The following USP54 variants were observed in gnomAD, a reference collection of about 807,000 sequenced individuals.
USP54 encodes the protein ubiquitin carboxyl-terminal hydrolase 54.
A neutral mutation model predicts 170.5 loss-of-function variants in USP54; 87 were observed. The ratio of observed to expected loss-of-function variants is 0.51; its 90% CI spans 0.43 to 0.61. The LOEUF is 0.61. USP54 is among the 20% of genes least tolerant of loss of function. USP54 has a pLI of 0.00. For missense variants in USP54, 1,786 were observed against 2,047.8 expected, an observed-to-expected ratio of 0.87 and a Z score of 2.47; for synonymous variants, 655 against 742.8, an observed-to-expected ratio of 0.88 and a Z score of 1.92.
At chr10:73,624,894 C>A (rs755365138) in intron 1 of USP54, among the ~76,000 whole-genome samples, 12 of 151,784 alleles carry the variant, frequency 7.9e-5, no homozygotes, top group Non-Finnish European at 1.6e-4. Context: ...GCTTGATAAG[C>A]ACACTTTAGG....
chr10:73,588,688 C>T (rs898556496), intron 1 of USP54, among the ~76,000 whole-genome samples: 1 of 152,200 alleles, frequency 6.6e-6, no homozygotes, highest in African/African-American at 2.4e-5. Context: ...CAAAATACAG[C>T]CAAAACTCTG....
At chr10:73,623,881 T>G (rs2081272159) in intron 1 of USP54, among the ~76,000 whole-genome samples, 1 of 152,066 alleles carries the variant, frequency 6.6e-6, no homozygotes, top group Non-Finnish European at 1.5e-5. Context: ...TAGGTCTCAA[T>G]AAATATTAAG....
upstream of USP54, among the ~76,000 whole-genome samples, chr10:73,595,622 C>A (rs565407934): frequency 6.6e-6 from 1 of 152,286 alleles, no homozygotes; most frequent in South Asian, 2.1e-4. Flanking sequence ...TGTTTAAATT[C>A]ATTTATTTAA....
chr10:73,591,093 T>C (rs1317554781), intron 1 of USP54, among the ~76,000 whole-genome samples, 185 bp downstream of exon 1: 1 of 151,982 alleles, frequency 6.6e-6, no homozygotes, highest in Non-Finnish European at 1.5e-5. Context: ...GCTTGAAAGA[T>C]GCCTCTTGAA....
intron 1 of USP54, among the ~76,000 whole-genome samples, chr10:73,600,089 C>T (rs2079050460): frequency 6.6e-6 from 1 of 151,824 alleles, no homozygotes; most frequent in Non-Finnish European, 1.5e-5. Flanking sequence ...TTAGTAGAGA[C>T]GGGGTTTCTC....
At chr10:73,588,533 T>A (rs1443048987) in intron 1 of USP54, among the ~76,000 whole-genome samples, 1 of 152,198 alleles carries the variant, frequency 6.6e-6, no homozygotes, top group Non-Finnish European at 1.5e-5. Flanking sequence ...CTGGGAAAAA[T>A]GTATTCTAAA....
intron 1 of USP54, among the ~76,000 whole-genome samples, chr10:73,583,533 G>A (rs910897136): frequency 6.6e-6 from 1 of 152,156 alleles, no homozygotes; most frequent in Non-Finnish European, 1.5e-5. Context: ...TGATCCGCCC[G>A]CCTCAGCCTC....
chr10:73,511,096 CT>C lies in USP54; in HGVS notation c.4051+5278del, dbSNP rs777196673. ...GGTACAAAGTTTCTGATGAAAACAC[CT>C]TTTTTTTTTTTTTTTTTTTGAGACA... On this transcript the variant is annotated intron_variant, in intron 20 of 23. Coordinates refer to ENST00000687698, the MANE Select transcript of USP54 (RefSeq NM_001391956.1). Among the ~76,000 whole-genome samples, 101 of 121,544 alleles carry C rather than the reference CT, an allele frequency of 8.3e-4. No individual in the cohort carries two copies. In the Middle Eastern group the frequency reaches 0.013, roughly 15 times the overall value. 79.7% of individuals were successfully genotyped at this position (121,544 alleles called of 152,430 possible).
chr10:73,598,580 C>T (rs1033116222), intron 1 of USP54, among the ~76,000 whole-genome samples: 1 of 152,010 alleles, frequency 6.6e-6, no homozygotes, highest in Non-Finnish European at 1.5e-5. Context: ...AGTTGAAGAC[C>T]AGCCTGGCCA....
chr10:73,517,725 C>G lies in USP54; in HGVS notation c.2701G>C (p.Val901Leu). Residue 901 changes from valine (V) to leucine (L), a missense_variant, in exon 20 of 24, where the codon GTA (valine) becomes CTA (leucine). Transcript: ENST00000687698. ...PTSEQPIPLQVLLSQEAQLES... is the reference protein window; with the variant it reads ...PTSEQPIPLQLLLSQEAQLES... ...AGTTGGGCCTCTTGGCTTAACAATA[C>G]TTGGAGCGGGATAGGCTGTTCACTG... 6.2e-7 allele frequency: 1 copy of G among 1,613,612 alleles called. No homozygotes were observed. The highest frequency in any genetic ancestry group is 1.3e-5 in the African/African-American group (1 of 75,038).
chr10:73,587,978 G>A (rs2077719005), intron 1 of USP54, among the ~76,000 whole-genome samples: 1 of 152,022 alleles, frequency 6.6e-6, no homozygotes, highest in African/African-American at 2.4e-5. Flanking sequence ...TTAGGGCCAG[G>A]TACAAAACAG....
chr10:73,501,703 G>A (rs745959599), intron 22 of USP54, among the ~76,000 whole-genome samples: 1 of 152,238 alleles, frequency 6.6e-6, no homozygotes, highest in East Asian at 1.9e-4. Flanking sequence ...ATATGGCCCT[G>A]CTGCTCCTCA....
In USP54 at chr10:73,504,842, C is replaced by G. The variant is rs2058818927; in HGVS notation, c.4311+8G>C. Reference sequence around the variant, plus strand: ...TGCTCTGAATAGATGGACCCTGATTCTACTTACAAAACTGTGGGAAGAAAC... The same window carrying G: ...TGCTCTGAATAGATGGACCCTGATTGTACTTACAAAACTGTGGGAAGAAAC... On this transcript the variant is annotated splice_region_variant and intron_variant, in intron 22 of 23. Transcript: ENST00000687698. The G allele has an allele frequency of 1.9e-6, 3 of 1,614,140 alleles. No individual in the cohort carries two copies. The highest frequency in any genetic ancestry group is 2.5e-6 in the Non-Finnish European group (3 of 1,180,022).
intron 4 of USP54, among the ~76,000 whole-genome samples, chr10:73,570,727 T>C (rs1420263406): frequency 6.6e-6 from 1 of 152,080 alleles, no homozygotes; most frequent in African/African-American, 2.4e-5. Flanking sequence ...CATTTATCAA[T>C]AGGAAGAGTT....
At chr10:73,622,300 ATATT>A (rs112001853) in intron 1 of USP54, among the ~76,000 whole-genome samples, 8,992 of 149,600 alleles carry the variant, frequency 0.06, 340 homozygotes, top group East Asian at 0.12. Flanking sequence ...GACTGTTGTA[ATATT>A]TATTTATTTA....
chr10:73,514,467 CAGG>C lies in USP54; in HGVS notation c.4051+1905_4051+1907del, dbSNP rs569451565. ...ATCCCAGCTACTCGGGAGGCTGAGG[CAGG>C]AGAAGTGGCCTGAACCCAGGAGGCA... On this transcript the variant is annotated intron_variant, in intron 20 of 23. Transcript: ENST00000687698. Among the ~76,000 whole-genome samples the C allele has an allele frequency of 1.3e-4, 20 of 151,594 alleles. No homozygotes were observed. In the South Asian group the frequency reaches 1.9e-3, roughly 14 times the overall value.
chr10:73,624,176 A>G (rs186306865), intron 1 of USP54, among the ~76,000 whole-genome samples: 14 of 108,874 alleles, frequency 1.3e-4, no homozygotes, highest in Middle Eastern at 4.3e-3. Context: ...ATATATATAT[A>G]TATATATATA....
chr10:73,578,872 A>T (rs1158674960), intron 1 of USP54, among the ~76,000 whole-genome samples: 1 of 152,198 alleles, frequency 6.6e-6, no homozygotes, highest in Non-Finnish European at 1.5e-5. Context: ...TCCTAAACAA[A>T]AAACCTAAAA....
chr10:73,560,663 C>CA (rs751168962), intron 4 of USP54, among the ~76,000 whole-genome samples: 1,023 of 16,428 alleles, frequency 0.062, 227 homozygotes, highest in African/African-American at 0.16. Context: ...AACTCCGTCT[C>CA]AAAAAAAAAA....
Sources: gnomAD v4.1 joint callset for allele counts (sites outside exome capture counted in the v4.1 genomes callset) on GRCh38, gnomAD v4.1.1 for gene constraint, MANE v1.5 for transcripts, NCBI Gene and HGNC (gene_info 2026-07-23, HGNC 2026-07-21) for gene names.